Variants in MRPL1 observed in about 807,000 individuals in gnomAD.
MRPL1 encodes mitochondrial ribosomal protein L1, also known as large ribosomal subunit protein uL1m.
Under a neutral mutation model 38.0 loss-of-function variants are expected in MRPL1, and 28 were observed. The ratio of observed to expected loss-of-function variants is 0.74; its 90% confidence interval spans 0.55 to 1.01. MRPL1 has a LOEUF of 1.01. Among genes scored for constraint, MRPL1 ranks in the 50% least tolerant of loss-of-function variants. The pLI is 0.00. For synonymous variants in MRPL1, 123 were observed against 126.7 expected, an observed-to-expected ratio of 0.97 and a Z score of 0.20; for missense variants, 358 against 389.8, an observed-to-expected ratio of 0.92 and a Z score of 0.69.
intron 3 of MRPL1, among the ~76,000 whole-genome samples, chr4:77,884,166 A>C (rs1459044772): frequency 2.0e-5 from 3 of 151,600 alleles, no homozygotes; most frequent in Non-Finnish European, 2.9e-5. Context: ...GCTCTGGATT[A>C]GCTCAGTGTC....
At chr4:77,895,358 A>C (rs1206716490) in intron 6 of MRPL1, among the ~76,000 whole-genome samples, 1 of 151,982 alleles carries the variant, frequency 6.6e-6, no homozygotes, top group Non-Finnish European at 1.5e-5. Flanking sequence ...GGGAATGGAG[A>C]GGTTGAGGGG....
At chr4:77,870,344 G>A (rs1735251458) in intron 1 of MRPL1, among the ~76,000 whole-genome samples, 2 of 152,110 alleles carry the variant, frequency 1.3e-5, no homozygotes, top group South Asian at 4.1e-4. Context: ...GCCAAGCTTC[G>A]AATGGATAAT....
chr4:77,902,974 T>C (rs1252512666), intron 6 of MRPL1, among the ~76,000 whole-genome samples: 2 of 152,132 alleles, frequency 1.3e-5, no homozygotes, highest in East Asian at 1.9e-4. Context: ...TAGAAAATAG[T>C]GAGTAAAGAA....
At chr4:77,948,373 G>A (rs1173000339) in intron 7 of MRPL1, among the ~76,000 whole-genome samples, 1 of 152,112 alleles carries the variant, frequency 6.6e-6, no homozygotes, top group Admixed American at 6.6e-5. Context: ...AATATGTAAG[G>A]TGCCTTCCCT....
At chr4:77,866,176 C>G (rs890849863) in intron 1 of MRPL1, among the ~76,000 whole-genome samples, 2 of 152,076 alleles carry the variant, frequency 1.3e-5, no homozygotes, top group African/African-American at 4.8e-5. Flanking sequence ...CTCAGCCTCC[C>G]GAGGAGCTGG....
At chr4:77,925,339 TTTTTTTG>T (rs1736690190) in intron 7 of MRPL1, among the ~76,000 whole-genome samples, 1 of 151,570 alleles carries the variant, frequency 6.6e-6, no homozygotes. Flanking sequence ...AGTACTTTTT[TTTTTTTG>T]TTTTTTGTTT....
intron 7 of MRPL1, among the ~76,000 whole-genome samples, chr4:77,945,779 G>A (rs186256004): frequency 2.8e-4 from 42 of 152,028 alleles, no homozygotes; most frequent in Non-Finnish European, 5.4e-4. Context: ...GGGGGTGTAC[G>A]AACAGGGAGT....
At chr4:77,927,431 A>G (rs1414260513) in intron 7 of MRPL1, among the ~76,000 whole-genome samples, 1 of 152,164 alleles carries the variant, frequency 6.6e-6, no homozygotes, top group Non-Finnish European at 1.5e-5. Context: ...TGAAGCATCA[A>G]TTCCTCCTGT....
In MRPL1 at chr4:77,873,975, A is replaced by ATGTACCC. The variant is rs1224981418; in HGVS notation, c.143+2124_143+2130dup. ...TTTTTTACATAAATGGTAGTGTACT[A>ATGTACCC]TGTACCCTGTTTTGCATATTGCCTG... On this transcript the variant is annotated intron_variant, in intron 2 of 8. Coordinates refer to ENST00000315567, the MANE Select transcript of MRPL1 (RefSeq NM_020236.4). Among the ~76,000 whole-genome samples the ATGTACCC allele has an allele frequency of 6.0e-5, 9 of 149,794 alleles. No individual in the cohort carries two copies. The East Asian group carries it at 1.8e-3, about 29-fold the overall frequency.
At chr4:77,899,395 GAT>G (rs1735986434) in intron 6 of MRPL1, among the ~76,000 whole-genome samples, 2 of 151,948 alleles carry the variant, frequency 1.3e-5, no homozygotes, top group Admixed American at 1.3e-4. Context: ...TTCCAGCTGC[GAT>G]CTTAGTTTTT....
chr4:77,902,720 A>G (rs777198811), intron 6 of MRPL1, among the ~76,000 whole-genome samples: 2 of 152,214 alleles, frequency 1.3e-5, no homozygotes, highest in Non-Finnish European at 2.9e-5. Flanking sequence ...GATAATAAGG[A>G]AATATGAATA....
At chr4:77,925,165 C>T (rs889838214) in intron 7 of MRPL1, among the ~76,000 whole-genome samples, 1 of 152,062 alleles carries the variant, frequency 6.6e-6, no homozygotes, top group Non-Finnish European at 1.5e-5. Context: ...CATTGTAGTA[C>T]TTCACCCGTA....
At chr4:77,871,374 G>A (rs942002068) in intron 1 of MRPL1, among the ~76,000 whole-genome samples, 3 of 150,910 alleles carry the variant, frequency 2.0e-5, no homozygotes, top group Non-Finnish European at 4.4e-5. Context: ...GCGCTATATC[G>A]GCTCACTGCA....
chr4:77,872,591 A>G (rs1188827094), intron 2 of MRPL1, among the ~76,000 whole-genome samples: 1 of 152,112 alleles, frequency 6.6e-6, no homozygotes, highest in East Asian at 1.9e-4. Context: ...ATTAGCGGGC[A>G]CCGTGGCTCA....
chr4:77,909,404 T>C, intron 7 of MRPL1, 32 bp downstream of exon 7: 1 of 1,287,360 alleles, frequency 7.8e-7, no homozygotes, highest in South Asian at 1.3e-5. Flanking sequence ...CAAATAATCC[T>C]CTTTTTTTGT....
intron 6 of MRPL1, among the ~76,000 whole-genome samples, chr4:77,905,778 A>G (rs1422765792): frequency 6.6e-6 from 1 of 152,180 alleles, no homozygotes; most frequent in Non-Finnish European, 1.5e-5. Flanking sequence ...GTATGTTTTA[A>G]TGCAGAACTA....
chr4:77,905,366 G>A (rs556599888), intron 6 of MRPL1, among the ~76,000 whole-genome samples: 28 of 151,540 alleles, frequency 1.8e-4, no homozygotes, highest in African/African-American at 4.8e-4. Flanking sequence ...ATATGGTGGC[G>A]CACACCTGTA....
At chr4:77,918,083 A>T (rs1179983411) in intron 7 of MRPL1, among the ~76,000 whole-genome samples, 1 of 151,570 alleles carries the variant, frequency 6.6e-6, no homozygotes, top group African/African-American at 2.4e-5. Flanking sequence ...ATGTGTTTAT[A>T]TATATACATG....
intron 6 of MRPL1, among the ~76,000 whole-genome samples, chr4:77,905,392 G>A (rs1444330841): frequency 6.6e-6 from 1 of 151,280 alleles, no homozygotes; most frequent in South Asian, 2.1e-4. Context: ...AGCTACTTGG[G>A]AGGCTGAGGC....
Sources: gnomAD v4.1 joint callset for allele counts (sites outside exome capture counted in the v4.1 genomes callset) on GRCh38, gnomAD v4.1.1 for gene constraint, MANE v1.5 for transcripts, NCBI Gene and HGNC (gene_info 2026-07-23, HGNC 2026-07-21) for gene names.